The following SASH1 variants were observed in gnomAD, a reference collection of about 807,000 sequenced individuals.
SASH1 encodes SAM and SH3 domain-containing protein 1.
In SASH1, 44 loss-of-function variants were observed where a neutral mutation model predicts 125.2. The ratio of observed to expected loss-of-function variants is 0.35; its 90% CI spans 0.28 to 0.45. SASH1 has a LOEUF of 0.45. SASH1 is among the 20% of genes least tolerant of loss of function. The pLI, the probability that SASH1 is intolerant of heterozygous loss-of-function variation, is 1.00. For synonymous variants in SASH1, 639 were observed against 649.1 expected, an observed-to-expected ratio of 0.98 and a Z score of 0.24; for missense variants, 1,426 against 1,614.5, an observed-to-expected ratio of 0.88 and a Z score of 2.00.
At chr6:148,333,788 C>T (rs954139828) in intron 1 of SASH1, among the ~76,000 whole-genome samples, 1 of 151,318 alleles carries the variant, frequency 6.6e-6, no homozygotes, top group African/African-American at 2.4e-5. Context: ...CTCAAATTCC[C>T]GACCTCAGGT....
chr6:148,329,743 CTTACTATATTTGGTAAGGAGAAGAGT>C (rs1335659244), intron 1 of SASH1, among the ~76,000 whole-genome samples: 7 of 152,206 alleles, frequency 4.6e-5, no homozygotes, highest in Non-Finnish European at 8.8e-5. Flanking sequence ...GTCCCTATGA[CTTACTATATTTGGTAAGGAGAAGAGT>C]TAGATGGCGT....
At chr6:148,255,331 G>C in the SASH1 span, among the ~76,000 whole-genome samples, 1 of 152,102 alleles carries the variant, frequency 6.6e-6, no homozygotes, top group African/African-American at 2.4e-5. Context: ...TTCTCTGTAT[G>C]CACACATTCC....
chr6:148,507,574 T>C (rs2115297362), intron 8 of SASH1, among the ~76,000 whole-genome samples: 1 of 152,276 alleles, frequency 6.6e-6, no homozygotes, highest in Admixed American at 6.5e-5. Context: ...TTTCACCATG[T>C]TTCCCAGGCT....
chr6:148,306,284 G>A (rs1013995066), intron 1 of SASH1, among the ~76,000 whole-genome samples: 5 of 152,098 alleles, frequency 3.3e-5, no homozygotes, highest in African/African-American at 9.7e-5. Flanking sequence ...AGGAAGTCAG[G>A]ATGCCATCTA....
At chr6:148,487,088 T>TACACACACACACACACACACACAC (rs757099589) in intron 7 of SASH1, among the ~76,000 whole-genome samples, 1 of 101,718 alleles carries the variant, frequency 9.8e-6, no homozygotes, top group Non-Finnish European at 1.9e-5. Flanking sequence ...ATAACACATA[T>TACACACACACACACACACACACAC]ATATACACAC....
chr6:148,526,557 T>C (rs551526151), intron 11 of SASH1, among the ~76,000 whole-genome samples: 14 of 152,358 alleles, frequency 9.2e-5, no homozygotes, highest in African/African-American at 3.4e-4. Flanking sequence ...TATTGATTCT[T>C]AAGCCAATAG....
chr6:148,353,935 C>T (rs568230537), intron 1 of SASH1, among the ~76,000 whole-genome samples: 1 of 152,178 alleles, frequency 6.6e-6, no homozygotes, highest in African/African-American at 2.4e-5. Flanking sequence ...TTTGGGAGGC[C>T]AAGACAGGAG....
chr6:148,539,092 CTTT>C (rs58542800), intron 16 of SASH1, among the ~76,000 whole-genome samples: 18 of 142,950 alleles, frequency 1.3e-4, no homozygotes, highest in African/African-American at 4.3e-4. Context: ...TCCGATGCTG[CTTT>C]TTTTTTTTTT....
chr6:148,420,969 G>T (rs1785034700), intron 2 of SASH1, among the ~76,000 whole-genome samples: 2 of 151,892 alleles, frequency 1.3e-5, no homozygotes, highest in African/African-American at 4.8e-5. Flanking sequence ...TGTAATCCCA[G>T]CTACTCAGGG....
chr6:148,519,469 A>T lies in SASH1; in HGVS notation c.863-78A>T. ...TATAAAGAGGGTCATGATACGGAGAAAGGTGGTGAATGTAAAGAAAGATGT... is the reference window on the plus strand; with the variant it reads ...TATAAAGAGGGTCATGATACGGAGATAGGTGGTGAATGTAAAGAAAGATGT... On this transcript the variant is annotated intron_variant, in intron 9 of 19. Coordinates refer to ENST00000367467, the MANE Select transcript of SASH1 (RefSeq NM_015278.5). This position sits in a 1 kb window ranked among gnomAD's most constrained non-coding sequence, Gnocchi z 4.8. 1 of 1,042,210 alleles carries T rather than the reference A, an allele frequency of 9.6e-7. No individual in the cohort carries two copies. Among genetic ancestry groups the T allele is most frequent in the East Asian group, 2.4e-5 (1 of 41,546 alleles). The allele number at this position is 1,042,210 out of a possible 1,614,324, so 64.6% of individuals were successfully genotyped here.
intron 4 of SASH1, among the ~76,000 whole-genome samples, chr6:148,456,974 TAACTA>T: frequency 6.6e-6 from 1 of 151,000 alleles, no homozygotes; most frequent in Non-Finnish European, 1.5e-5. Context: ...ATTTTTATAA[TAACTA>T]GTTTTTGTGG....
At chr6:148,321,061 T>C (rs1780621936) in intron 1 of SASH1, among the ~76,000 whole-genome samples, 2 of 152,196 alleles carry the variant, frequency 1.3e-5, no homozygotes, top group Non-Finnish European at 2.9e-5. Context: ...ATTGATAGTA[T>C]TAGGTTGGTG....
At chr6:148,482,932 ACC>A (rs1778693441) in intron 7 of SASH1, among the ~76,000 whole-genome samples, 2 of 151,686 alleles carry the variant, frequency 1.3e-5, no homozygotes, top group African/African-American at 4.8e-5. Flanking sequence ...CAAGTGATCC[ACC>A]TGCCTCAGCC....
At chr6:148,508,183 T>G (rs906475413) in intron 8 of SASH1, among the ~76,000 whole-genome samples, 1 of 152,174 alleles carries the variant, frequency 6.6e-6, no homozygotes, top group African/African-American at 2.4e-5. Context: ...GTTGTTAAAA[T>G]TTTAAAAAGG....
chr6:148,497,348 G>T (rs751150515), intron 8 of SASH1, among the ~76,000 whole-genome samples: 2 of 152,178 alleles, frequency 1.3e-5, no homozygotes, highest in Non-Finnish European at 2.9e-5. Context: ...TTTCAGGCAT[G>T]TATTTGTTGA....
chr6:148,402,671 G>A (rs1784220081), intron 2 of SASH1, among the ~76,000 whole-genome samples: 2 of 148,766 alleles, frequency 1.3e-5, no homozygotes, highest in African/African-American at 5.0e-5. Flanking sequence ...CTGGAATGCA[G>A]TGGCACGATC....
At position 148,468,483 on chromosome 6, in the gene SASH1, G is replaced by A. The variant is rs926162014; in HGVS notation, c.387-62G>A. ...GATGCTGGGTCAAACTAGTTAGGAG[G>A]ATTTTCAGTTCTCCCATGAAAGCAA... On this transcript the variant is annotated intron_variant, in intron 4 of 19. Transcript: ENST00000367467. 4 of 1,264,790 alleles carry A rather than the reference G, an allele frequency of 3.2e-6. No individual in the cohort carries two copies. In the African/African-American group the frequency reaches 6.0e-5, roughly 19 times the overall value. 78.3% of individuals were successfully genotyped at this position (1,264,790 alleles called of 1,614,324 possible). A position where few individuals can be genotyped will look rare whatever the true frequency, so the allele number is the denominator to read the frequency against.
chr6:148,337,565 T>C (rs1781197578), intron 1 of SASH1, among the ~76,000 whole-genome samples: 1 of 152,040 alleles, frequency 6.6e-6, no homozygotes, highest in Admixed American at 6.6e-5. Flanking sequence ...TTTCACCATG[T>C]TGGCCAGACT....
intron 8 of SASH1, chr6:148,512,405 T>G: frequency 3.4e-5 from 31 of 898,898 alleles, no homozygotes; most frequent in Non-Finnish European, 3.9e-5. Context: ...GCTTGGCTTT[T>G]GAGCTACATC....
Sources: allele counts gnomAD v4.1 joint callset (sites outside exome capture counted in the v4.1 genomes callset), GRCh38; gene constraint gnomAD v4.1.1; non-coding constraint Gnocchi (gnomAD v3.1); transcripts MANE v1.5; gene names NCBI Gene and HGNC (gene_info 2026-07-23, HGNC 2026-07-21).